Variants in DOCK4 observed in about 807,000 individuals in gnomAD.
DOCK4 encodes the protein dedicator of cytokinesis protein 4.
DOCK4 carries 97 observed loss-of-function variants against 268.1 expected under a neutral mutation model. The observed-to-expected ratio is 0.36, with a 90% CI of 0.31 to 0.43. The LOEUF is 0.43. Ranked by LOEUF, DOCK4 falls within the 20% of genes least tolerant of loss-of-function variation. The pLI, the probability that DOCK4 is intolerant of heterozygous loss-of-function variation, is 1.00. For missense variants in DOCK4, 2,145 were observed against 2,455.7 expected (o/e 0.87, Z 2.67); for synonymous variants, 954 against 887.2 (o/e 1.08, Z -1.34).
chr7:111,952,787 G>A (rs953038139), intron 8 of DOCK4, among the ~76,000 whole-genome samples: 5 of 152,120 alleles, frequency 3.3e-5, no homozygotes, highest in African/African-American at 1.2e-4. Context: ...TAACAACAGA[G>A]AACACATTTA....
At chr7:111,803,341 C>T (rs1418258469) in intron 30 of DOCK4, among the ~76,000 whole-genome samples, 1 of 152,170 alleles carries the variant, frequency 6.6e-6, no homozygotes, top group Admixed American at 6.5e-5. Flanking sequence ...TGTATGGCAA[C>T]AGCAAAATAA....
rs573613686 is a variant in DOCK4, at chr7:111,977,754, T to A, written c.550-471A>T. On this transcript the variant is annotated intron_variant, in intron 7 of 52. Coordinates refer to ENST00000428084, the MANE Select transcript of DOCK4 (RefSeq NM_001363540.2). ...CTAAGTTATAACTTCTCATTACTCA[T>A]AATTAAAAGTTCTTTTAGGTTATAC... Among the ~76,000 whole-genome samples the A allele has an allele frequency of 2.0e-5, 3 of 152,364 alleles. No homozygotes were observed. In the South Asian group the frequency reaches 6.2e-4, roughly 32 times the overall value.
Position 111,755,543 on chromosome 7 carries a change from C to G in DOCK4, c.4388G>C (p.Arg1463Pro), listed in dbSNP as rs1260830903. 6.2e-7 allele frequency: 1 copy of G among 1,613,808 alleles called. No individual in the cohort carries two copies. Among genetic ancestry groups the G allele is most frequent in the Non-Finnish European group, 8.5e-7 (1 of 1,179,880 alleles). The part of the protein sequence containing the change: ...YLVQSLPGIS[R>P]WFEVEKREVV... The stretch of plus-strand genomic sequence containing the variant: ...TTCACGCTTTTCCACTTCAAACCAG[C>G]GAGAGATGCCAGGCAAACTCTGCAC... Residue 1463 changes from arginine to proline, a missense_variant, in exon 42 of 53, where the codon CGC becomes CCC. By Grantham distance (103) the Arg-to-Pro change is moderately radical. This residue lies in a region of DOCK4 where 1,598 missense variants were observed against 1,986.7 expected (regional missense o/e 0.80). Coordinates refer to ENST00000428084, the MANE Select transcript of DOCK4 (RefSeq NM_001363540.2).
chr7:112,119,909 G>A lies in DOCK4; in HGVS notation c.37+86193C>T, dbSNP rs536791146. Among the ~76,000 whole-genome samples, 163 of 150,832 alleles carry A rather than the reference G, an allele frequency of 1.1e-3. 1 individual carries two copies. Among genetic ancestry groups the A allele is most frequent in the Non-Finnish European group, 1.9e-3 (126 of 67,790 alleles). ...GTCACCCAGGCTGGAGTGCAGTGGC[G>A]CGATCTCGGCTCACTGCAACCTTCG... is the stretch of plus-strand genomic sequence containing the variant. On this transcript the variant is annotated intron_variant, in intron 1 of 52. Coordinates refer to ENST00000428084, the MANE Select transcript of DOCK4 (RefSeq NM_001363540.2).
chr7:111,760,377 C>T (rs1439049110), intron 39 of DOCK4, 55 bp from the exon 40 acceptor site: 42 of 1,561,922 alleles, frequency 2.7e-5, no homozygotes, highest in Non-Finnish European at 3.5e-5. Context: ...GGATTACAGA[C>T]AGAGCCAAAA....
rs868779082 is a variant in DOCK4 at position 112,056,803 on chromosome 7, A to G, written c.38-52672T>C. On this transcript the variant is annotated intron_variant, in intron 1 of 52. Transcript: ENST00000428084. ...CTGTGGTTTTACTTTAGTCAGCCATATAAGTAAAAACTGAAGATCTAATCG... is the reference window on the plus strand; with the variant it reads ...CTGTGGTTTTACTTTAGTCAGCCATGTAAGTAAAAACTGAAGATCTAATCG... Among the ~76,000 whole-genome samples, 58 of 152,368 alleles carry G rather than the reference A, an allele frequency of 3.8e-4. 2 individuals are homozygous for G. The highest frequency in any genetic ancestry group is 5.4e-4 in the Non-Finnish European group (37 of 68,042).
At chr7:112,017,002 T>G (rs1801863833) in intron 1 of DOCK4, among the ~76,000 whole-genome samples, 1 of 152,224 alleles carries the variant, frequency 6.6e-6, no homozygotes, top group Non-Finnish European at 1.5e-5. Context: ...CGATTAACTG[T>G]AATCATCTTC....
At chr7:111,921,503 C>G (rs1249400158) in intron 12 of DOCK4, among the ~76,000 whole-genome samples, 1 of 152,164 alleles carries the variant, frequency 6.6e-6, no homozygotes, top group East Asian at 1.9e-4. Context: ...CATTTTGCCA[C>G]TAATAAACCA....
chr7:111,993,494 C>G (rs1456233932), intron 5 of DOCK4, among the ~76,000 whole-genome samples: 1 of 152,166 alleles, frequency 6.6e-6, no homozygotes, highest in Non-Finnish European at 1.5e-5. Context: ...ACTTCACTCT[C>G]TGTGCCTTAT....
intron 1 of DOCK4, among the ~76,000 whole-genome samples, chr7:112,050,665 C>T (rs1805264367): frequency 6.7e-6 from 1 of 150,192 alleles, no homozygotes; most frequent in African/African-American, 2.5e-5. Flanking sequence ...AGAGAGATAG[C>T]AAGCGTGCAA....
intron 1 of DOCK4, among the ~76,000 whole-genome samples, chr7:112,163,960 G>C (rs1297095778): frequency 6.6e-6 from 1 of 152,148 alleles, no homozygotes; most frequent in Non-Finnish European, 1.5e-5. Flanking sequence ...TTTAGTCCCT[G>C]AGAAGACAGC....
At chr7:111,849,103 C>T (rs1804339842) in intron 23 of DOCK4, among the ~76,000 whole-genome samples, 1 of 152,168 alleles carries the variant, frequency 6.6e-6, no homozygotes, top group African/African-American at 2.4e-5. Context: ...TTAATAAATT[C>T]CCATTTTTGC....
At chr7:112,092,827 G>T (rs556610357) in intron 1 of DOCK4, among the ~76,000 whole-genome samples, 24 of 152,064 alleles carry the variant, frequency 1.6e-4, no homozygotes, top group Admixed American at 1.4e-3. Flanking sequence ...GAAATGAAAA[G>T]CACAGACAGC....
chr7:111,889,872 G>A (rs1360799864), intron 16 of DOCK4, among the ~76,000 whole-genome samples: 3 of 152,188 alleles, frequency 2.0e-5, no homozygotes, highest in East Asian at 3.9e-4. Context: ...AATAAACCCC[G>A]CTACAGGAAG....
chr7:112,111,946 G>A (rs1410802684), intron 1 of DOCK4, among the ~76,000 whole-genome samples: 1 of 152,138 alleles, frequency 6.6e-6, no homozygotes, highest in Non-Finnish European at 1.5e-5. Flanking sequence ...CAGTAAACGG[G>A]AAGTGAGTGG....
At position 111,935,560 on chromosome 7, in the gene DOCK4, T is replaced by C; in HGVS notation, c.1046A>G (p.Asn349Ser). The change falls in exon 12 of 53, where the codon AAC becomes AGC. Residue 349 changes from asparagine (N) to serine (S), a missense_variant. Transcript: ENST00000428084. Reference protein sequence around the residue: ...NIIKKLNARYNLTGSNAGLAV... With the variant: ...NIIKKLNARYSLTGSNAGLAV... ...CTCACCTGCATTGGAGCCAGTCAAG[T>C]TATAACGTGCATTCAGCTTTTTGAT... 1 of 1,613,918 alleles carries C rather than the reference T, an allele frequency of 6.2e-7. No homozygotes were observed. Among genetic ancestry groups the C allele is most frequent in the Non-Finnish European group, 8.5e-7 (1 of 1,179,842 alleles).
At chr7:112,037,494 C>G (rs1803914706) in intron 1 of DOCK4, among the ~76,000 whole-genome samples, 2 of 152,164 alleles carry the variant, frequency 1.3e-5, no homozygotes, top group South Asian at 4.1e-4. Context: ...GTTCTGATTT[C>G]TATGACCACA....
At chr7:112,206,011 G>A in intron 1 of DOCK4, 91 bp downstream of exon 1, 3 of 1,424,176 alleles carry the variant, frequency 2.1e-6, no homozygotes, top group South Asian at 1.2e-5. Flanking sequence ...ATTTTCAACC[G>A]GGCGGAGCGA....
chr7:112,023,077 G>A (rs190243303), intron 1 of DOCK4, among the ~76,000 whole-genome samples: 239 of 152,114 alleles, frequency 1.6e-3, no homozygotes, highest in Non-Finnish European at 2.8e-3. Context: ...ACAGGTGCCC[G>A]CCACCACGCC....
Sources: gnomAD v4.1 joint callset for allele counts (sites outside exome capture counted in the v4.1 genomes callset) on GRCh38, gnomAD v4.1.1 for gene constraint, gnomAD v4.1.1 regional missense constraint, MANE v1.5 for transcripts, NCBI Gene and HGNC (gene_info 2026-07-23, HGNC 2026-07-21) for gene names.